The following GLRA2 variants were observed in gnomAD, a reference collection of about 807,000 sequenced individuals.
GLRA2 encodes glycine receptor alpha 2.
GLRA2 carries 11 observed loss-of-function variants against 31.6 expected under a neutral mutation model. That is an observed-to-expected ratio of 0.35 (90% CI 0.22 to 0.58). GLRA2 has a LOEUF of 0.58. GLRA2 is among the 20% of genes least tolerant of loss of function. GLRA2 has a pLI of 0.84. For missense variants in GLRA2, 212 were observed against 351.8 expected (o/e 0.60, Z 3.18); for synonymous variants, 132 against 134.0 (o/e 0.99, Z 0.10).
intron 7 of GLRA2, among the ~76,000 whole-genome samples, chrX:14,677,540 T>C (rs919544330): frequency 8.9e-6 from 1 of 112,409 alleles, no homozygotes; most frequent in Non-Finnish European, 1.9e-5. Context: ...GGGATGGAAT[T>C]TGGTCTACTC....
intron 5 of GLRA2, 81 bp downstream of exon 5, chrX:14,604,478 G>T (rs1263039951): frequency 3.4e-6 from 2 of 589,447 alleles, no homozygotes; most frequent in African/African-American, 4.7e-5. Context: ...AAAGAGAAAG[G>T]ACCCTTACAA....
chrX:14,667,339 A>G (rs1340499084), intron 7 of GLRA2, among the ~76,000 whole-genome samples: 2 of 112,281 alleles, frequency 1.8e-5, no homozygotes, highest in African/African-American at 3.2e-5. Context: ...AGATAAATAG[A>G]TAACATTTTA....
At chrX:14,475,585 C>T in the GLRA2 span, among the ~76,000 whole-genome samples, 2 of 111,079 alleles carry the variant, frequency 1.8e-5, no homozygotes, top group African/African-American at 6.5e-5. Context: ...TACCCATGTT[C>T]TTCTTATTTA....
chrX:14,594,053 A>T (rs746243922), intron 4 of GLRA2, among the ~76,000 whole-genome samples: 23 of 111,826 alleles, frequency 2.1e-4, no homozygotes, highest in African/African-American at 7.1e-4. Flanking sequence ...ACTGACCAGA[A>T]CTCCATTCTC....
chrX:14,682,649 C>T (rs968522340), intron 7 of GLRA2, among the ~76,000 whole-genome samples: 21 of 110,059 alleles, frequency 1.9e-4, no homozygotes, highest in African/African-American at 6.3e-4. Context: ...GTGCTGCACC[C>T]GATAACTCAT....
the GLRA2 span, among the ~76,000 whole-genome samples, chrX:14,510,687 T>TA: frequency 9.0e-6 from 1 of 111,538 alleles, no homozygotes; most frequent in Non-Finnish European, 1.9e-5. Flanking sequence ...CAAAACAGAA[T>TA]AAAAAAGTCT....
At chrX:14,552,078 C>T (rs112527895) in intron 2 of GLRA2, among the ~76,000 whole-genome samples, 5 of 112,301 alleles carry the variant, frequency 4.5e-5, no homozygotes, top group African/African-American at 6.5e-5. Flanking sequence ...ATGTGCCTAA[C>T]GTATAGCAAC....
At position 14,716,407 on chromosome X, in the gene GLRA2, T is replaced by C. The variant is rs1009181472; in HGVS notation, c.1081-13800T>C. Among the ~76,000 whole-genome samples the C allele has an allele frequency of 3.1e-4, 35 of 111,871 alleles. 1 individual carries two copies. The highest frequency in any genetic ancestry group is 7.5e-5 in the Non-Finnish European group (4 of 53,153). On this transcript the variant is annotated intron_variant, in intron 8 of 8. Coordinates refer to ENST00000218075, the MANE Select transcript of GLRA2 (RefSeq NM_002063.4). ...AGCCCAGTGATTTCCTCTGTTCCTC[T>C]GCAATATCCAGTCTATTTAAAGTGA...
In GLRA2 at chrX:14,623,090, C is replaced by G. The variant is rs564265556; in HGVS notation, c.930+13885C>G. ...ATCCCTGGTAAGTTGGATTCCTAGG[C>G]ATTTCATTCTCTTTGAAGCAATTGT... On this transcript the variant is annotated intron_variant, in intron 7 of 8. Coordinates refer to ENST00000218075, the MANE Select transcript of GLRA2 (RefSeq NM_002063.4). 1.9e-4 allele frequency among the ~76,000 whole-genome samples: 21 copies of G among 111,432 alleles called. No homozygotes were observed. In the Admixed American group the frequency reaches 1.9e-3, roughly 10 times the overall value.
intron 7 of GLRA2, among the ~76,000 whole-genome samples, chrX:14,669,990 T>C (rs1034908016): frequency 1.8e-5 from 2 of 112,551 alleles, no homozygotes; most frequent in African/African-American, 6.5e-5. Context: ...CTTTTGAAAC[T>C]GAATGCCTTT....
chrX:14,639,052 C>T (rs1366910241), intron 7 of GLRA2, among the ~76,000 whole-genome samples: 2 of 111,390 alleles, frequency 1.8e-5, no homozygotes, highest in Non-Finnish European at 3.8e-5. Context: ...TCCTTTGTTG[C>T]TGGTAAATAC....
At chrX:14,629,316 A>G (rs145580549) in intron 7 of GLRA2, among the ~76,000 whole-genome samples, 1 of 111,811 alleles carries the variant, frequency 8.9e-6, no homozygotes, top group Admixed American at 9.5e-5. Context: ...GAGCACAAGA[A>G]GCACTGATTT....
At chrX:14,613,473 AG>A (rs2090422537) in intron 7 of GLRA2, among the ~76,000 whole-genome samples, 1 of 111,130 alleles carries the variant, frequency 9.0e-6, no homozygotes, top group African/African-American at 3.3e-5. Flanking sequence ...TAAAAAACAA[AG>A]AAAGCAAAAC....
At chrX:14,495,705 A>G in the GLRA2 span, among the ~76,000 whole-genome samples, 1 of 109,700 alleles carries the variant, frequency 9.1e-6, no homozygotes, top group Non-Finnish European at 1.9e-5. Context: ...ATATATATAT[A>G]TCCTTATTTA....
At chrX:14,520,212 A>G in the GLRA2 span, among the ~76,000 whole-genome samples, 14 of 112,114 alleles carry the variant, frequency 1.2e-4, 1 homozygote, top group East Asian at 3.9e-3. Context: ...ATTTTCAGCG[A>G]AGGTATCATG....
intron 2 of GLRA2, among the ~76,000 whole-genome samples, chrX:14,548,908 C>T (rs1181897692): frequency 1.0e-5 from 1 of 96,081 alleles, no homozygotes; most frequent in African/African-American, 4.0e-5. Flanking sequence ...TCCTCTTGAG[C>T]TTCATCTTCC....
chrX:14,463,347 C>T, the GLRA2 span, among the ~76,000 whole-genome samples: 4 of 111,560 alleles, frequency 3.6e-5, no homozygotes, highest in African/African-American at 1.3e-4. Context: ...TATCAAAGCT[C>T]GTATGCCATG....
intron 8 of GLRA2, among the ~76,000 whole-genome samples, chrX:14,723,842 A>C (rs2091895259): frequency 8.9e-6 from 1 of 112,290 alleles, no homozygotes; most frequent in South Asian, 3.7e-4. Flanking sequence ...GTAAGCTCTC[A>C]TAGCATCTTA....
chrX:14,621,495 G>A (rs948018061), intron 7 of GLRA2, among the ~76,000 whole-genome samples: 7 of 110,636 alleles, frequency 6.3e-5, no homozygotes, highest in Non-Finnish European at 1.3e-4. Context: ...GTATTTCTCC[G>A]AATGCTATCC....
Sources: gnomAD v4.1 joint callset for allele counts (sites outside exome capture counted in the v4.1 genomes callset) on GRCh38, gnomAD v4.1.1 for gene constraint, MANE v1.5 for transcripts, NCBI Gene and HGNC (gene_info 2026-07-23, HGNC 2026-07-21) for gene names.